Variants in MYOZ2 observed in about 807,000 individuals in gnomAD.
MYOZ2 encodes the protein myozenin 2.
In MYOZ2, 19 loss-of-function variants were observed where a neutral mutation model predicts 25.4. The observed-to-expected ratio is 0.75, with a 90% CI of 0.52 to 1.10. MYOZ2 has a LOEUF of 1.10. Among genes scored for constraint, MYOZ2 ranks in the 50% least tolerant of loss-of-function variants. The pLI, the probability that MYOZ2 is intolerant of heterozygous loss-of-function variation, is 0.00. For missense variants in MYOZ2, 270 were observed against 317.9 expected (o/e 0.85, Z 1.15); for synonymous variants, 92 against 106.9 (o/e 0.86, Z 0.86).
intron 2 of MYOZ2, among the ~76,000 whole-genome samples, chr4:119,137,717 TAGCTTGG>T (rs1741063966): frequency 3.9e-5 from 6 of 152,318 alleles, no homozygotes; most frequent in Middle Eastern, 6.8e-3. Flanking sequence ...AATGTCAAAT[TAGCTTGG>T]AATAAAATGA....
chr4:119,158,138 C>A lies in MYOZ2; in HGVS notation c.363C>A (p.Asp121Glu), dbSNP rs754050093. The change falls in exon 4 of 6, where the codon GAC (aspartate) becomes GAA (glutamate). Residue 121 changes from aspartate to glutamate, a missense_variant. By Grantham distance (45) the Asp-to-Glu change is conservative. Coordinates refer to ENST00000307128, the MANE Select transcript of MYOZ2 (RefSeq NM_016599.5). ...TPDPRSPPNP[D>E]NIAPGYSGPL... ...ATCCACGAAGCCCTCCAAATCCAGA[C>A]AACATTGCTCCAGGTAACCAATCCC... The A allele has an allele frequency of 1.2e-6, 2 of 1,613,986 alleles. No homozygotes were observed. The highest frequency in any genetic ancestry group is 2.7e-5 in the African/African-American group (2 of 74,904).
chr4:119,182,928 A>G (rs1742214758), intron 5 of MYOZ2, among the ~76,000 whole-genome samples: 1 of 152,214 alleles, frequency 6.6e-6, no homozygotes, highest in South Asian at 2.1e-4. Context: ...AATTGAAACG[A>G]AAGTAATAGA....
intron 2 of MYOZ2, among the ~76,000 whole-genome samples, chr4:119,143,879 T>A (rs1426138969): frequency 6.6e-6 from 1 of 152,232 alleles, no homozygotes; most frequent in African/African-American, 2.4e-5. Flanking sequence ...CATGGCTTGA[T>A]AGCTCTTAAT....
intron 5 of MYOZ2, among the ~76,000 whole-genome samples, chr4:119,174,164 G>A (rs1276541739): frequency 6.6e-6 from 1 of 152,242 alleles, no homozygotes; most frequent in Non-Finnish European, 1.5e-5. Context: ...AGGGGCTGAG[G>A]AGTGCAAGCG....
At chr4:119,181,283 A>C (rs1742181148) in intron 5 of MYOZ2, among the ~76,000 whole-genome samples, 1 of 151,882 alleles carries the variant, frequency 6.6e-6, no homozygotes, top group African/African-American at 2.4e-5. Context: ...TTCCTCTATA[A>C]TCTCTTCTTC....
At chr4:119,164,730 T>C (rs1741783954) in intron 5 of MYOZ2, among the ~76,000 whole-genome samples, 1 of 152,158 alleles carries the variant, frequency 6.6e-6, no homozygotes, top group African/African-American at 2.4e-5. Context: ...TTGTTTCAAA[T>C]GGCAATACTG....
chr4:119,145,154 A>G (rs562879919), intron 2 of MYOZ2, among the ~76,000 whole-genome samples: 1 of 152,112 alleles, frequency 6.6e-6, no homozygotes, highest in African/African-American at 2.4e-5. Context: ...AGTGAATTAC[A>G]TTGATTGATC....
intron 2 of MYOZ2, among the ~76,000 whole-genome samples, chr4:119,146,065 AATG>A (rs1339500780): frequency 1.3e-5 from 2 of 152,166 alleles, no homozygotes; most frequent in Admixed American, 6.5e-5. Flanking sequence ...CAGTGTCTGT[AATG>A]ATATCTCTGA....
intron 2 of MYOZ2, among the ~76,000 whole-genome samples, chr4:119,150,469 A>T (rs1042868747): frequency 6.6e-6 from 1 of 150,720 alleles, no homozygotes; most frequent in South Asian, 2.1e-4. Context: ...TAGGCATTTC[A>T]GTAGGGGGAT....
chr4:119,136,737 G>A, intron 2 of MYOZ2, 136 bp downstream of exon 2: 1 of 916,190 alleles, frequency 1.1e-6, no homozygotes, highest in East Asian at 2.7e-5. Flanking sequence ...AGCTCTAGGG[G>A]GTGTAGAAAA....
intron 2 of MYOZ2, among the ~76,000 whole-genome samples, chr4:119,137,455 T>A (rs779869120): frequency 1.3e-5 from 2 of 152,184 alleles, no homozygotes; most frequent in Non-Finnish European, 2.9e-5. Context: ...TGCCTCCTTA[T>A]TTCCCCTGTA....
intron 5 of MYOZ2, among the ~76,000 whole-genome samples, chr4:119,168,247 T>C (rs1741868926): frequency 6.6e-6 from 1 of 152,206 alleles, no homozygotes. Context: ...GCTGGGATTA[T>C]GGGCGTGAGC....
intron 2 of MYOZ2, among the ~76,000 whole-genome samples, chr4:119,147,759 C>T (rs952721296): frequency 1.1e-4 from 10 of 91,900 alleles, no homozygotes; most frequent in Non-Finnish European, 2.7e-4. Flanking sequence ...AAAAAAAAAT[C>T]TACTTTGATG....
intron 5 of MYOZ2, among the ~76,000 whole-genome samples, chr4:119,184,331 C>G (rs995055500): frequency 2.6e-5 from 4 of 152,128 alleles, no homozygotes; most frequent in Non-Finnish European, 1.5e-5. Context: ...GGAACATAAG[C>G]CTTCTTTGTT....
chr4:119,165,824 C>A lies in MYOZ2; in HGVS notation c.560+1430C>A, dbSNP rs564567695. Among the ~76,000 whole-genome samples the A allele has an allele frequency of 2.0e-5, 3 of 152,242 alleles. No individual in the cohort carries two copies. In the East Asian group the frequency reaches 5.8e-4, roughly 29 times the overall value. On this transcript the variant is annotated intron_variant, in intron 5 of 5. Coordinates refer to ENST00000307128, the MANE Select transcript of MYOZ2 (RefSeq NM_016599.5). Reference sequence around the variant, plus strand: ...GACATGCTGTAAGACTTCTCTGTATCTTGTGGCTTTGGTGCCCTGTACCTG... The same window carrying A: ...GACATGCTGTAAGACTTCTCTGTATATTGTGGCTTTGGTGCCCTGTACCTG...
chr4:119,169,502 G>T (rs1411985780), intron 5 of MYOZ2, among the ~76,000 whole-genome samples: 3 of 152,222 alleles, frequency 2.0e-5, no homozygotes, highest in Admixed American at 1.3e-4. Context: ...TTTAAAAAAT[G>T]AGTTTTAAAA....
At position 119,154,053 on chromosome 4, in the gene MYOZ2, A is replaced by T. The variant is rs545768784; in HGVS notation, c.246+3012A>T. Among the ~76,000 whole-genome samples the T allele has an allele frequency of 4.6e-5, 7 of 152,254 alleles. No homozygotes were observed. The South Asian group carries it at 1.4e-3, about 32-fold the overall frequency. On this transcript the variant is annotated intron_variant, in intron 3 of 5. Transcript: ENST00000307128. Reference sequence around the variant, plus strand: ...TTTTTTGAATCACTAGAAATCTTAAATACTACTGGGAAAAGGGGAATTATA... The same window carrying T: ...TTTTTTGAATCACTAGAAATCTTAATTACTACTGGGAAAAGGGGAATTATA...
intron 5 of MYOZ2, among the ~76,000 whole-genome samples, chr4:119,180,339 T>G (rs1372395500): frequency 6.6e-6 from 1 of 152,184 alleles, no homozygotes; most frequent in Admixed American, 6.5e-5. Context: ...ACCTAATAAT[T>G]AAATTCAAGA....
At chr4:119,160,452 TAGA>T (rs1381012135) in intron 4 of MYOZ2, among the ~76,000 whole-genome samples, 1 of 152,086 alleles carries the variant, frequency 6.6e-6, no homozygotes, top group African/African-American at 2.4e-5. Flanking sequence ...ACAAAATGAA[TAGA>T]AGAATTAATC....
Sources: gnomAD v4.1 joint callset for allele counts (sites outside exome capture counted in the v4.1 genomes callset) on GRCh38, gnomAD v4.1.1 for gene constraint, MANE v1.5 for transcripts, NCBI Gene and HGNC (gene_info 2026-07-23, HGNC 2026-07-21) for gene names.